The following BAHCC1 variants were observed in gnomAD, a reference collection of about 807,000 sequenced individuals.
The protein encoded by BAHCC1 is BAH and coiled-coil domain-containing protein 1.
A neutral mutation model predicts 88.2 loss-of-function variants in BAHCC1; 43 were observed. That is an observed-to-expected ratio of 0.49 (90% CI 0.38 to 0.63). The LOEUF (loss-of-function observed/expected upper bound fraction) is 0.63. Among genes scored for constraint, BAHCC1 ranks in the 20% least tolerant of loss-of-function variants. BAHCC1 has a pLI of 0.00. For synonymous variants in BAHCC1, 1,510 were observed against 745.5 expected, an observed-to-expected ratio of 2.03 and a Z score of -16.71; for missense variants, 3,023 against 1,654.8, an observed-to-expected ratio of 1.83 and a Z score of -14.34.
rs1239362625 is a variant in BAHCC1, at chr17:81,465,694, G to A, written c.*1877G>A. ...CCCCCTATTTTTCTCGGGCCCATTG[G>A]GGCCTGTTTCTCACCTGCTGGCTGG... On this transcript the variant is annotated 3_prime_UTR_variant, in exon 28 of 28. Coordinates refer to ENST00000675386, the MANE Select transcript of BAHCC1 (RefSeq NM_001377448.1). 6.6e-6 allele frequency: 1 copy of A among 152,300 alleles called. No homozygotes were observed. Among genetic ancestry groups the A allele is most frequent in the African/African-American group, 2.4e-5 (1 of 41,460 alleles). The allele number at this position is 152,300 out of a possible 1,614,324, so 9.4% of individuals were successfully genotyped here. A position where few individuals can be genotyped will look rare whatever the true frequency, so the allele number is the denominator to read the frequency against.
chr17:81,417,850 C>T (rs1317193997), intron 2 of BAHCC1, among the ~76,000 whole-genome samples: 2 of 152,254 alleles, frequency 1.3e-5, no homozygotes, highest in African/African-American at 2.4e-5. Context: ...GCGGGCGCCC[C>T]TCCCACAGGC....
In BAHCC1 at chr17:81,441,101, C is replaced by T. The variant is rs573645099; in HGVS notation, c.482-730C>T. Among the ~76,000 whole-genome samples the T allele has an allele frequency of 1.1e-4, 16 of 152,268 alleles. No homozygotes were observed. The East Asian group carries it at 2.1e-3, about 20-fold the overall frequency. On this transcript the variant is annotated intron_variant, in intron 4 of 27. Coordinates refer to ENST00000675386, the MANE Select transcript of BAHCC1 (RefSeq NM_001377448.1). ...AATCCACTGCCTGCCCCGCGTCCCC[C>T]GAAAATCCCCACTGGCACTGGGCCA...
intron 1 of BAHCC1, among the ~76,000 whole-genome samples, chr17:81,398,924 G>A (rs1318830225): frequency 2.7e-5 from 4 of 149,936 alleles, no homozygotes; most frequent in Middle Eastern, 3.4e-3. Context: ...GGGAGAAAAG[G>A]AAGGTTATTA....
chr17:81,406,835 C>T (rs1383179989), intron 2 of BAHCC1: 5 of 454,458 alleles, frequency 1.1e-5, no homozygotes, highest in East Asian at 7.0e-5. Context: ...CAGCGAGCCT[C>T]GGGTCTGGTG....
intron 26 of BAHCC1, chr17:81,462,497 G>C (rs1045258752): frequency 7.2e-6 from 4 of 553,218 alleles, no homozygotes; most frequent in African/African-American, 1.9e-5. Context: ...CCCTGTCCCA[G>C]ATCCAGTGTC....
Position 81,458,640 on chromosome 17 carries a change from C to T in BAHCC1, c.5363C>T (p.Ser1788Phe), listed in dbSNP as rs782500339. 6 of 718,222 alleles carry T rather than the reference C, an allele frequency of 8.4e-6. No individual in the cohort carries two copies. Among genetic ancestry groups the T allele is most frequent in the South Asian group, 3.0e-5 (2 of 67,658 alleles). 44.5% of individuals were successfully genotyped at this position (718,222 alleles called of 1,614,324 possible). The change falls in exon 19 of 28, where the codon TCC becomes TTC. Residue 1788 changes from serine (S) to phenylalanine (F), a missense_variant. Transcript: ENST00000675386. ...GCGCAGCGGAAGAACGGGGCCCTGTCCATCACGCTGGCCACACGCAACGCC... is the reference window on the plus strand; with the variant it reads ...GCGCAGCGGAAGAACGGGGCCCTGTTCATCACGCTGGCCACACGCAACGCC... ...PVLRRKNGAL[S>F]ITLATRNAKA...
At chr17:81,453,921 A>T (rs930106514) in intron 14 of BAHCC1, among the ~76,000 whole-genome samples, 3 of 152,218 alleles carry the variant, frequency 2.0e-5, no homozygotes, top group Non-Finnish European at 4.4e-5. Context: ...CTTGTGGCCC[A>T]TGGCTTCCTG....
chr17:81,414,802 G>A (rs1454085570), intron 2 of BAHCC1, among the ~76,000 whole-genome samples: 1 of 152,048 alleles, frequency 6.6e-6, no homozygotes, highest in African/African-American at 2.4e-5. Flanking sequence ...TGGGGGCGGA[G>A]GCGGCAGGCA....
chr17:81,453,565 G>A (rs1445394831), intron 14 of BAHCC1, among the ~76,000 whole-genome samples: 2 of 151,566 alleles, frequency 1.3e-5, no homozygotes, highest in Admixed American at 6.6e-5. Flanking sequence ...TGTGGCTGTG[G>A]GCAGTGGAGG....
chr17:81,405,719 G>A (rs782685020), intron 2 of BAHCC1, among the ~76,000 whole-genome samples: 5 of 152,096 alleles, frequency 3.3e-5, no homozygotes, highest in Admixed American at 1.3e-4. Flanking sequence ...CTTCCTTCTG[G>A]AAGAGGCTTC....
rs782290881 is a variant in BAHCC1 at position 81,443,143 on chromosome 17, G to T, written c.1794G>T (p.Glu598Asp). Residue 598 changes from glutamate (E) to aspartate (D), a missense_variant, in exon 5 of 28, where the codon GAG becomes GAT. Glu to Asp is a conservative substitution (Grantham distance 45). Coordinates refer to ENST00000675386, the MANE Select transcript of BAHCC1 (RefSeq NM_001377448.1). ...AGGGCACCGCCATGGCCATCAGCGAGGAGCGCAAGGCTGGCGCCTACCTGG... is the reference window on the plus strand; with the variant it reads ...AGGGCACCGCCATGGCCATCAGCGATGAGCGCAAGGCTGGCGCCTACCTGG... ...AGQGTAMAIS[E>D]ERKAGAYLDP... 1.3e-6 allele frequency: 1 copy of T among 777,744 alleles called. No homozygotes were observed. The highest frequency in any genetic ancestry group is 1.7e-5 in the Admixed American group (1 of 58,976). 48.2% of individuals were successfully genotyped at this position (777,744 alleles called of 1,614,324 possible).
intron 26 of BAHCC1, among the ~76,000 whole-genome samples, chr17:81,462,387 G>A (rs950428541): frequency 2.6e-5 from 4 of 152,358 alleles, no homozygotes; most frequent in South Asian, 2.1e-4. Context: ...AGATGCCTGC[G>A]TCTGTCCTCA....
chr17:81,460,462 A>C, intron 24 of BAHCC1, 66 bp downstream of exon 24: 1 of 727,302 alleles, frequency 1.4e-6, no homozygotes, highest in Admixed American at 1.9e-5. Flanking sequence ...CGGGCTCCCA[A>C]GGAAGGGTTG....
chr17:81,403,840 C>T (rs868950387), intron 2 of BAHCC1, among the ~76,000 whole-genome samples: 7 of 152,214 alleles, frequency 4.6e-5, no homozygotes, highest in South Asian at 2.1e-4. Flanking sequence ...GGACCGGCGG[C>T]GGTGGCCCGC....
intron 2 of BAHCC1, among the ~76,000 whole-genome samples, chr17:81,419,021 G>A (rs540749118): frequency 3.3e-5 from 5 of 152,266 alleles, no homozygotes; most frequent in South Asian, 2.1e-4. Flanking sequence ...CCCACATCTC[G>A]AGTCTGGACC....
intron 2 of BAHCC1, among the ~76,000 whole-genome samples, chr17:81,423,999 C>T (rs941529405): frequency 3.9e-5 from 6 of 152,336 alleles, no homozygotes; most frequent in African/African-American, 1.4e-4. Context: ...CAGAGGTGAG[C>T]GCCATCCGCA....
intron 2 of BAHCC1, among the ~76,000 whole-genome samples, chr17:81,426,033 TG>T (rs2064190935): frequency 3.1e-5 from 4 of 128,502 alleles, no homozygotes; most frequent in Admixed American, 7.6e-5. Context: ...ATGTGGTTGG[TG>T]GTGATGTGGC....
rs183117150 is a variant in BAHCC1 at position 81,459,051 on chromosome 17, C to T, written c.5606-3C>T. 3.6e-3 allele frequency: 2,706 copies of T among 752,418 alleles called. 14 individuals are homozygous for T. The highest frequency in any genetic ancestry group is 0.012 in the Middle Eastern group (53 of 4,406). 46.6% of individuals were successfully genotyped at this position (752,418 alleles called of 1,614,324 possible). On this transcript the variant is annotated splice_region_variant and splice_polypyrimidine_tract_variant and intron_variant, in intron 20 of 27. Coordinates refer to ENST00000675386, the MANE Select transcript of BAHCC1 (RefSeq NM_001377448.1). ...GCCGGCCGCTGACACCTTGTGCCCA[C>T]AGCGCGCTCGTGTGCCATCCACAAG...
At chr17:81,419,861 A>G (rs1370007731) in intron 2 of BAHCC1, among the ~76,000 whole-genome samples, 1 of 140,252 alleles carries the variant, frequency 7.1e-6, no homozygotes, top group Non-Finnish European at 1.5e-5. Flanking sequence ...TCGGCGGCTC[A>G]CTTAACTCAA....
Sources: gnomAD v4.1 joint callset for allele counts (sites outside exome capture counted in the v4.1 genomes callset) on GRCh38, gnomAD v4.1.1 for gene constraint, MANE v1.5 for transcripts, NCBI Gene and HGNC (gene_info 2026-07-23, HGNC 2026-07-21) for gene names.